MOSPD1: variants seen among roughly 807,000 people sequenced by gnomAD.
MOSPD1 encodes the protein motile sperm domain containing 1, also known as motile sperm domain-containing protein 1.
Under a neutral mutation model 16.7 loss-of-function variants are expected in MOSPD1, and 5 were observed. That is an observed-to-expected ratio of 0.30 (90% confidence interval 0.16 to 0.63). The LOEUF (loss-of-function observed/expected upper bound fraction) is 0.63. Among genes scored for constraint, MOSPD1 ranks in the 30% least tolerant of loss-of-function variants. The probability of loss-of-function intolerance (pLI) is 0.82; values close to 1 mark genes in which losing one functional copy is unlikely to be tolerated. For missense variants in MOSPD1, 104 were observed against 153.6 expected (o/e 0.68, Z 1.71); for synonymous variants, 67 against 59.2 (o/e 1.13, Z -0.61).
chrX:134,901,233 A>G (rs2082909889), intron 1 of MOSPD1, among the ~76,000 whole-genome samples: 1 of 112,214 alleles, frequency 8.9e-6, no homozygotes, highest in Admixed American at 9.5e-5. Flanking sequence ...AAGAAGTTCA[A>G]GTCTAATTGA....
At chrX:134,904,845 G>C (rs1421684396) in intron 1 of MOSPD1, among the ~76,000 whole-genome samples, 1 of 106,638 alleles carries the variant, frequency 9.4e-6, no homozygotes, top group Middle Eastern at 4.7e-3. Context: ...CTGGGAGACA[G>C]AGTGAGACTC....
At chrX:134,895,912 T>C (rs1020924713) in intron 4 of MOSPD1, among the ~76,000 whole-genome samples, 1 of 111,526 alleles carries the variant, frequency 9.0e-6, no homozygotes, top group African/African-American at 3.3e-5. Flanking sequence ...GAAAAAACTC[T>C]TGGCTACAGT....
intron 4 of MOSPD1, among the ~76,000 whole-genome samples, chrX:134,894,326 T>C (rs1342650646): frequency 8.9e-6 from 1 of 111,983 alleles, no homozygotes; most frequent in Non-Finnish European, 1.9e-5. Context: ...CATCAACCAT[T>C]TTCCTGCTAA....
At chrX:134,905,102 G>A (rs1006454984) in intron 1 of MOSPD1, among the ~76,000 whole-genome samples, 2 of 110,562 alleles carry the variant, frequency 1.8e-5, no homozygotes, top group Non-Finnish European at 3.8e-5. Context: ...GCTCACGCCT[G>A]TAATCCCAGC....
intron 1 of MOSPD1, among the ~76,000 whole-genome samples, chrX:134,904,843 CAG>C (rs1458207143): frequency 3.9e-4 from 40 of 101,749 alleles, no homozygotes; most frequent in Non-Finnish European, 6.6e-4. Context: ...ACCTGGGAGA[CAG>C]AGTGAGACTC....
intron 4 of MOSPD1, among the ~76,000 whole-genome samples, chrX:134,893,991 T>A (rs1389567926): frequency 8.9e-6 from 1 of 112,082 alleles, no homozygotes; most frequent in Non-Finnish European, 1.9e-5. Context: ...AAGATTCAGA[T>A]GTATCTTTTA....
At chrX:134,905,547 T>TA (rs1316534934) in intron 1 of MOSPD1, among the ~76,000 whole-genome samples, 5 of 91,103 alleles carry the variant, frequency 5.5e-5, no homozygotes, top group African/African-American at 9.1e-5. Flanking sequence ...AATACTTATT[T>TA]AAAAAAAACG....
intron 1 of MOSPD1, among the ~76,000 whole-genome samples, chrX:134,907,215 G>A (rs1028450875): frequency 2.3e-4 from 25 of 110,684 alleles, no homozygotes; most frequent in East Asian, 5.7e-4. Context: ...GCAACAGAGC[G>A]AAACTCCATC....
At chrX:134,891,088 A>C (rs746444799) in intron 5 of MOSPD1, among the ~76,000 whole-genome samples, 1 of 111,870 alleles carries the variant, frequency 8.9e-6, no homozygotes, top group African/African-American at 3.2e-5. Context: ...AAGAAAAAAT[A>C]ATAATAAAAG....
At chrX:134,909,785 T>C (rs2082961562) in intron 1 of MOSPD1, among the ~76,000 whole-genome samples, 1 of 112,133 alleles carries the variant, frequency 8.9e-6, no homozygotes, top group Non-Finnish European at 1.9e-5. Context: ...ATATATTTTC[T>C]AGATTTTTGG....
intron 1 of MOSPD1, among the ~76,000 whole-genome samples, chrX:134,913,492 A>C (rs780704356): frequency 8.9e-6 from 1 of 112,307 alleles, no homozygotes; most frequent in East Asian, 2.8e-4. Context: ...GGAATGGAAT[A>C]GCTTCTCTGA....
chrX:134,899,196 G>GT (rs761514461), intron 2 of MOSPD1, 31 bp from the exon 3 acceptor site: 56,196 of 629,638 alleles, frequency 0.089, no homozygotes, highest in Non-Finnish European at 0.098. Flanking sequence ...GGCCATTAGT[G>GT]TTTTTTTTTT....
intron 1 of MOSPD1, among the ~76,000 whole-genome samples, chrX:134,912,920 G>A (rs1439631069): frequency 3.9e-5 from 4 of 101,853 alleles, no homozygotes; most frequent in South Asian, 4.6e-4. Flanking sequence ...CAACCTGGGC[G>A]ACGGAGACTC....
intron 1 of MOSPD1, among the ~76,000 whole-genome samples, chrX:134,901,913 T>G (rs2082913226): frequency 8.9e-6 from 1 of 112,318 alleles, no homozygotes; most frequent in Non-Finnish European, 1.9e-5. Context: ...CCTATCAACA[T>G]TTTCTTAGTA....
At chrX:134,902,200 G>C (rs1360897780) in intron 1 of MOSPD1, among the ~76,000 whole-genome samples, 1 of 110,068 alleles carries the variant, frequency 9.1e-6, no homozygotes, top group Non-Finnish European at 1.9e-5. Context: ...CTGATGTCAG[G>C]AGTTCGAGAC....
At chrX:134,903,566 GC>G (rs1360898267) in intron 1 of MOSPD1, among the ~76,000 whole-genome samples, 7 of 108,387 alleles carry the variant, frequency 6.5e-5, no homozygotes, top group Admixed American at 2.0e-4. Context: ...ACTAAAATTA[GC>G]CAGGCGTGGT....
chrX:134,911,300 C>CA (rs1360383758), intron 1 of MOSPD1, among the ~76,000 whole-genome samples: 1 of 112,099 alleles, frequency 8.9e-6, no homozygotes, highest in Non-Finnish European at 1.9e-5. Context: ...ATGAATGTGG[C>CA]ATGAAGCAAT....
intron 1 of MOSPD1, among the ~76,000 whole-genome samples, chrX:134,910,142 G>A (rs756485725): frequency 1.3e-4 from 14 of 111,504 alleles, no homozygotes; most frequent in Non-Finnish European, 2.1e-4. Context: ...AGTGACTCAC[G>A]CCTATAATCC....
At chrX:134,906,191 T>G (rs1187697778) in intron 1 of MOSPD1, among the ~76,000 whole-genome samples, 1 of 93,756 alleles carries the variant, frequency 1.1e-5, no homozygotes. Context: ...TTTTTTTTTT[T>G]TTTTTTGAGA....
Sources: gnomAD v4.1 joint callset for allele counts (sites outside exome capture counted in the v4.1 genomes callset) on GRCh38, gnomAD v4.1.1 for gene constraint, MANE v1.5 for transcripts, NCBI Gene and HGNC (gene_info 2026-07-23, HGNC 2026-07-21) for gene names.